Variants in UBN2 observed in about 807,000 individuals in gnomAD.
UBN2 encodes ubinuclein-2.
Under a neutral mutation model 120.2 loss-of-function variants are expected in UBN2, and 35 were observed. That is an observed-to-expected ratio of 0.29 (90% CI 0.22 to 0.39). The LOEUF (loss-of-function observed/expected upper bound fraction) is 0.39, where lower values mean the gene tolerates loss of function less well. Ranked by LOEUF, UBN2 falls within the 10% of genes least tolerant of loss-of-function variation. UBN2 has a pLI of 1.00. For missense variants in UBN2, 1,693 were observed against 1,663.2 expected (o/e 1.02, Z -0.31); for synonymous variants, 661 against 648.7 (o/e 1.02, Z -0.29).
At chr7:139,238,096 G>A (rs1401417245) in intron 2 of UBN2, among the ~76,000 whole-genome samples, 1 of 152,072 alleles carries the variant, frequency 6.6e-6, no homozygotes, top group Non-Finnish European at 1.5e-5. Flanking sequence ...TTACACTATG[G>A]CTTTGAGTAC....
At chr7:139,245,222 G>A (rs1796438185) in intron 2 of UBN2, among the ~76,000 whole-genome samples, 1 of 149,440 alleles carries the variant, frequency 6.7e-6, no homozygotes, top group South Asian at 2.1e-4. Flanking sequence ...TTATAGGCAT[G>A]AGCCACCTCG....
chr7:139,261,860 TAAA>T (rs1021606374), intron 6 of UBN2, 119 bp downstream of exon 6: 1 of 1,043,268 alleles, frequency 9.6e-7, no homozygotes, highest in Non-Finnish European at 1.3e-6. Flanking sequence ...TTTTTAAAGA[TAAA>T]AATAATAAAC....
rs1175243020 is a variant in UBN2 at position 139,304,025 on chromosome 7, A to G, written c.*6189A>G. ...TCTCACTTTTCCATCTTCTCAGTCT[A>G]ATTTCCTTTTATTGCTTGTTTGAGG... On this transcript the variant is annotated 3_prime_UTR_variant, in exon 18 of 18. Coordinates refer to ENST00000473989, the MANE Select transcript of UBN2 (RefSeq NM_173569.4). 3.3e-5 allele frequency: 5 copies of G among 152,170 alleles called. No individual in the cohort carries two copies. The highest frequency in any genetic ancestry group is 9.7e-5 in the African/African-American group (4 of 41,450). 9.4% of individuals were successfully genotyped at this position (152,170 alleles called of 1,614,324 possible). A position where few individuals can be genotyped will look rare whatever the true frequency, so the allele number is the denominator to read the frequency against.
intron 17 of UBN2, among the ~76,000 whole-genome samples, chr7:139,296,469 C>G (rs1250815913): frequency 6.6e-6 from 1 of 152,190 alleles, no homozygotes; most frequent in African/African-American, 2.4e-5. Flanking sequence ...CATGCCTCTT[C>G]CCTCAGAGTA....
rs967237469 is a variant in UBN2, at chr7:139,249,437, C to G, written c.562-2519C>G. Among the ~76,000 whole-genome samples the G allele has an allele frequency of 3.9e-5, 6 of 152,294 alleles. No individual in the cohort carries two copies. In the South Asian group the frequency reaches 1.2e-3, roughly 32 times the overall value. ...TAAGTCTGGCATAACTTTTTTCCCT[C>G]AAGCACTGGAACAGATCACTGTATC... is the stretch of plus-strand genomic sequence containing the variant. On this transcript the variant is annotated intron_variant, in intron 2 of 17. Coordinates refer to ENST00000473989, the MANE Select transcript of UBN2 (RefSeq NM_173569.4).
rs17160854 is a variant in UBN2, at chr7:139,294,887, A to G, written c.3994+906A>G. ...CAAGCTGTATGCATTATGTCCTTGT[A>G]GGCAGCCAGATCGCTCTGAAATCTG... On this transcript the variant is annotated intron_variant, in intron 17 of 17. Coordinates refer to ENST00000473989, the MANE Select transcript of UBN2 (RefSeq NM_173569.4). 5.3e-3 allele frequency among the ~76,000 whole-genome samples: 811 copies of G among 152,310 alleles called. 21 individuals are homozygous for G. The East Asian group carries it at 0.085, about 16-fold the overall frequency.
chr7:139,281,876 A>G (rs1005899896), intron 13 of UBN2, 129 bp from the exon 14 acceptor site: 33 of 759,080 alleles, frequency 4.3e-5, no homozygotes, highest in Non-Finnish European at 5.8e-5. Flanking sequence ...ACCTTAATGC[A>G]GTTACACTTG....
the UBN2 span, among the ~76,000 whole-genome samples, chr7:139,326,471 C>T: frequency 1.3e-5 from 2 of 152,326 alleles, no homozygotes; most frequent in East Asian, 1.9e-4. Flanking sequence ...GAACACATCA[C>T]CCTTTGACAA....
In UBN2 at chr7:139,231,286, G is replaced by A. The variant is rs535259889; in HGVS notation, c.-199G>A. Among the ~76,000 whole-genome samples the A allele has an allele frequency of 6.6e-6, 1 of 152,372 alleles. No homozygotes were observed. The highest frequency in any genetic ancestry group is 1.9e-4 in the East Asian group (1 of 5,174). ...CAACATGGCGGCCGCGGCGACCCTG[G>A]CGATGGCGGTGAAGCCCATCAGAAC... On this transcript the variant is annotated 5_prime_UTR_variant, in exon 1 of 18. Transcript: ENST00000473989.
At chr7:139,272,727 A>G (rs1179397525) in intron 9 of UBN2, among the ~76,000 whole-genome samples, 2 of 152,066 alleles carry the variant, frequency 1.3e-5, no homozygotes, top group Non-Finnish European at 2.9e-5. Context: ...GGGTTTCACC[A>G]TGTTGACCAG....
intron 2 of UBN2, among the ~76,000 whole-genome samples, 194 bp from the exon 3 acceptor site, chr7:139,251,762 C>T (rs1796630215): frequency 6.6e-6 from 1 of 152,204 alleles, no homozygotes; most frequent in Non-Finnish European, 1.5e-5. Context: ...TATGAAGTTA[C>T]TCTGTCCCTC....
chr7:139,277,934 G>A (rs1388470814), intron 12 of UBN2, among the ~76,000 whole-genome samples: 5 of 152,050 alleles, frequency 3.3e-5, no homozygotes, highest in Non-Finnish European at 5.9e-5. Flanking sequence ...AAAGAGAACC[G>A]TTTAACAGTA....
At chr7:139,312,936 T>C (rs576845990), downstream of UBN2, among the ~76,000 whole-genome samples, 5 of 152,204 alleles carry the variant, frequency 3.3e-5, no homozygotes, top group Non-Finnish European at 7.3e-5. Flanking sequence ...ACCATTTTTA[T>C]CATATATCCA....
chr7:139,293,053 A>T (rs1342609119), intron 15 of UBN2, among the ~76,000 whole-genome samples, 179 bp from the exon 16 acceptor site: 1 of 152,166 alleles, frequency 6.6e-6, no homozygotes, highest in Admixed American at 6.5e-5. Flanking sequence ...GTGTTCATGT[A>T]AGTGCCACTA....
chr7:139,315,519 C>G, the UBN2 span: 23 of 152,092 alleles, frequency 1.5e-4, no homozygotes, highest in Non-Finnish European at 8.8e-5. Flanking sequence ...ATGGATATGT[C>G]ACAGTTTACC....
the UBN2 span, among the ~76,000 whole-genome samples, chr7:139,313,624 G>A: frequency 6.6e-5 from 10 of 152,174 alleles, no homozygotes; most frequent in Non-Finnish European, 1.2e-4. Flanking sequence ...AATGGGGAAC[G>A]TGGCATCTTT....
chr7:139,305,072 G>A lies in UBN2; in HGVS notation c.*7236G>A, dbSNP rs1362770089. ...AGTTAGTATCATGGAATGTCTTTGGGTTGTTAATGATAAAATCATCCCAGT... is the reference window on the plus strand; with the variant it reads ...AGTTAGTATCATGGAATGTCTTTGGATTGTTAATGATAAAATCATCCCAGT... On this transcript the variant is annotated 3_prime_UTR_variant, in exon 18 of 18. Coordinates refer to ENST00000473989, the MANE Select transcript of UBN2 (RefSeq NM_173569.4). The A allele has an allele frequency of 6.6e-6, 1 of 152,132 alleles. No homozygotes were observed. The highest frequency in any genetic ancestry group is 1.5e-5 in the Non-Finnish European group (1 of 68,042). 9.4% of individuals were successfully genotyped at this position (152,132 alleles called of 1,614,324 possible). A position where few individuals can be genotyped will look rare whatever the true frequency, so the allele number is the denominator to read the frequency against.
intron 15 of UBN2, 86 bp downstream of exon 15, chr7:139,284,660 T>C (rs1797729319): frequency 2.5e-6 from 3 of 1,193,742 alleles, no homozygotes; most frequent in South Asian, 1.5e-5. Flanking sequence ...AAGCTTTTTA[T>C]GATATGTGGA....
intron 8 of UBN2, among the ~76,000 whole-genome samples, chr7:139,272,060 T>G (rs1026427100): frequency 3.3e-5 from 5 of 152,196 alleles, no homozygotes; most frequent in Non-Finnish European, 7.4e-5. Context: ...TTGAAGAGTG[T>G]AATGGAACAC....
Sources: gnomAD v4.1 joint callset for allele counts (sites outside exome capture counted in the v4.1 genomes callset) on GRCh38, gnomAD v4.1.1 for gene constraint, MANE v1.5 for transcripts, NCBI Gene and HGNC (gene_info 2026-07-23, HGNC 2026-07-21) for gene names.